RBSN: variants seen among roughly 807,000 people sequenced by gnomAD.
RBSN encodes the protein rabenosyn-5.
In RBSN, 34 loss-of-function variants were observed where a neutral mutation model predicts 60.5. The ratio of observed to expected loss-of-function variants is 0.56; its 90% CI spans 0.43 to 0.75. The LOEUF is 0.75. Among genes scored for constraint, RBSN ranks in the 30% least tolerant of loss-of-function variants. The probability of loss-of-function intolerance (pLI) is 0.00; values close to 1 mark genes in which losing one functional copy is unlikely to be tolerated. For synonymous variants in RBSN, 322 were observed against 366.9 expected (o/e 0.88, Z 1.40); for missense variants, 845 against 986.8 (o/e 0.86, Z 1.92).
intron 4 of RBSN, chr3:15,091,351 A>C: frequency 9.3e-7 from 1 of 1,075,424 alleles, no homozygotes; most frequent in Non-Finnish European, 1.1e-6. Context: ...CCAGGATGGG[A>C]TTCAGCTAAA....
In RBSN at chr3:15,074,043, C is replaced by T; in HGVS notation, c.2094G>A (p.Gln698=). Residue 698 remains glutamine, a synonymous_variant, in exon 14 of 14, where the codon CAG becomes CAA. Coordinates refer to ENST00000253699, the MANE Select transcript of RBSN (RefSeq NM_022340.4). The surrounding 1 kb of genome is among the most constrained non-coding windows in gnomAD (Gnocchi z 6.4). ...GAACCAGAGGGCTTGAGAGCCTCTG[C>T]TGGGGATGTTCGTCTTCCTCACTGA... ...NPFSEEDEHP[Q]QRLSSPLVPG... The T allele has an allele frequency of 6.2e-7, 1 of 1,614,064 alleles. No homozygotes were observed. The highest frequency in any genetic ancestry group is 8.5e-7 in the Non-Finnish European group (1 of 1,180,014).
chr3:15,074,331 C>G lies in RBSN; in HGVS notation c.1806G>C (p.Gly602=), dbSNP rs1575082908. ...AGCGCTCCTGGCCAACGGCTGGGGGCCCAGACCACACTCTGGTGGGTTGAG... is the reference window on the plus strand; with the variant it reads ...AGCGCTCCTGGCCAACGGCTGGGGGGCCAGACCACACTCTGGTGGGTTGAG... ...SSTQPTRVWS[G]PPAVGQERLP... is the part of the protein sequence containing the mutation. The change falls in exon 14 of 14, where the codon GGG becomes GGC. Residue 602 remains glycine (G), a synonymous_variant. Coordinates refer to ENST00000253699, the MANE Select transcript of RBSN (RefSeq NM_022340.4). This position sits in a 1 kb window ranked among gnomAD's most constrained non-coding sequence, Gnocchi z 6.4. 3 of 1,614,016 alleles carry G rather than the reference C, an allele frequency of 1.9e-6. No individual in the cohort carries two copies. The highest frequency in any genetic ancestry group is 2.5e-6 in the Non-Finnish European group (3 of 1,180,006).
At chr3:15,083,764 G>A (rs548970060) in intron 8 of RBSN, among the ~76,000 whole-genome samples, 1 of 151,970 alleles carries the variant, frequency 6.6e-6, no homozygotes, top group Non-Finnish European at 1.5e-5. Flanking sequence ...TTTTCTATAT[G>A]GCAGTGAGTT....
At chr3:15,087,696 C>T (rs1414040464) in intron 5 of RBSN, among the ~76,000 whole-genome samples, 3 of 152,174 alleles carry the variant, frequency 2.0e-5, no homozygotes, top group African/African-American at 7.2e-5. Context: ...TCCAGGCTCA[C>T]TGCAATCTCC....
rs2043235138 is a variant in RBSN, at chr3:15,082,642, C to T, written c.599-34G>A. The T allele has an allele frequency of 6.2e-7, 1 of 1,605,936 alleles. No homozygotes were observed. Among genetic ancestry groups the T allele is most frequent in the Admixed American group, 1.7e-5 (1 of 59,320 alleles). On this transcript the variant is annotated intron_variant, in intron 8 of 13. Transcript: ENST00000253699. This position sits in a 1 kb window ranked among gnomAD's most constrained non-coding sequence, Gnocchi z 4.2. Reference sequence around the variant, plus strand: ...ACAACACCAACAGGCAGCAATGACCCCCACAGCATCCAATTACCATACCCA... The same window carrying T: ...ACAACACCAACAGGCAGCAATGACCTCCACAGCATCCAATTACCATACCCA...
At chr3:15,086,931 C>T (rs970360162) in intron 5 of RBSN, among the ~76,000 whole-genome samples, 5 of 152,204 alleles carry the variant, frequency 3.3e-5, no homozygotes, top group South Asian at 2.1e-4. Flanking sequence ...ATATTGTCCT[C>T]AACCCTCCCG....
At chr3:15,089,820 G>A (rs1331334182) in intron 5 of RBSN, among the ~76,000 whole-genome samples, 2 of 151,988 alleles carry the variant, frequency 1.3e-5, no homozygotes, top group Non-Finnish European at 2.9e-5. Context: ...CCGTGGTCTG[G>A]ATCTCCTGAC....
intron 6 of RBSN, among the ~76,000 whole-genome samples, 194 bp from the exon 7 acceptor site, chr3:15,085,239 C>T (rs983793284): frequency 3.9e-5 from 6 of 152,172 alleles, no homozygotes; most frequent in East Asian, 1.9e-4. Flanking sequence ...ACCCACCTCG[C>T]TTCCTATAAC....
rs1379102812 is a variant in RBSN, at chr3:15,073,755, G to A, written c.*27C>T. 6.4e-7 allele frequency: 1 copy of A among 1,573,476 alleles called. No homozygotes were observed. The highest frequency in any genetic ancestry group is 1.7e-5 in the Admixed American group (1 of 57,452). The stretch of plus-strand genomic sequence containing the variant: ...CCACTGGCTCCTGCCAGACCCCTGG[G>A]CCCAAAGGTGCCCTCTCCACTGCTG... On this transcript the variant is annotated 3_prime_UTR_variant, in exon 14 of 14. Coordinates refer to ENST00000253699, the MANE Select transcript of RBSN (RefSeq NM_022340.4).
intron 2 of RBSN, among the ~76,000 whole-genome samples, chr3:15,097,074 G>A (rs1398518674): frequency 6.6e-6 from 1 of 151,970 alleles, no homozygotes; most frequent in African/African-American, 2.4e-5. Context: ...TTCCCAGGCA[G>A]GTCTCTAACT....
At chr3:15,096,817 G>A (rs2043671894) in intron 2 of RBSN, 107 bp from the exon 3 acceptor site, 1 of 152,106 alleles carries the variant, frequency 6.6e-6, no homozygotes, top group Non-Finnish European at 1.5e-5. Flanking sequence ...AAACCTACTA[G>A]TCAAAAAGAA....
rs1179079679 is a variant in RBSN, at chr3:15,073,622, C to A, written c.*160G>T. 1.5e-6 allele frequency: 1 copy of A among 649,420 alleles called. No individual in the cohort carries two copies. The highest frequency in any genetic ancestry group is 2.5e-6 in the Non-Finnish European group (1 of 393,496). The allele number at this position is 649,420 out of a possible 1,614,324, so 40.2% of individuals were successfully genotyped here. On this transcript the variant is annotated 3_prime_UTR_variant, in exon 14 of 14. Transcript: ENST00000253699. ...TTATTATTCAACTGTAGTGGAAATA[C>A]CTCAAAGTGCGCAACACAAAACAGC...
rs1559339025 is a variant in RBSN at position 15,074,589 on chromosome 3, G to A, written c.1548C>T (p.Asp516=). 3 of 1,614,184 alleles carry A rather than the reference G, an allele frequency of 1.9e-6. No individual in the cohort carries two copies. The highest frequency in any genetic ancestry group is 2.5e-6 in the Non-Finnish European group (3 of 1,180,034). ...ELSRRQAEEE[D]LQREQLQMLR... is the part of the protein sequence containing the mutation. ...ACATCTGCAGCTGTTCCCGCTGCAG[G>A]TCCTCCTCCTCAGCCTGCCTCCGGG... Residue 516 remains aspartate (D), a synonymous_variant, in exon 14 of 14, where the codon GAC becomes GAT. Transcript: ENST00000253699. The surrounding 1 kb of genome is among the most constrained non-coding windows in gnomAD (Gnocchi z 6.4).
intron 5 of RBSN, among the ~76,000 whole-genome samples, chr3:15,089,456 CA>C (rs757156425): frequency 3.5e-3 from 109 of 31,440 alleles, no homozygotes; most frequent in African/African-American, 5.7e-3. Flanking sequence ...ACTCCATCTC[CA>C]AAAAAAAAAA....
chr3:15,077,219 G>A lies in RBSN; in HGVS notation c.999-55C>T. 1 of 1,474,818 alleles carries A rather than the reference G, an allele frequency of 6.8e-7. No individual in the cohort carries two copies. Among genetic ancestry groups the A allele is most frequent in the South Asian group, 1.1e-5 (1 of 88,146 alleles). 91.4% of individuals were successfully genotyped at this position (1,474,818 alleles called of 1,614,324 possible). On this transcript the variant is annotated intron_variant, in intron 11 of 13. Transcript: ENST00000253699. This position sits in a 1 kb window ranked among gnomAD's most constrained non-coding sequence, Gnocchi z 4.4. ...GAGCACTGCCAGCTTCAGAAACAAG[G>A]GTGAAAAGTATAACATCTGGAGTTG...
intron 8 of RBSN, among the ~76,000 whole-genome samples, chr3:15,083,083 G>A (rs564601125): frequency 2.0e-5 from 3 of 152,260 alleles, no homozygotes; most frequent in African/African-American, 7.2e-5. Flanking sequence ...CCCCAGAGCT[G>A]CCCTAGGAAC....
At chr3:15,081,945 C>G (rs1476646803) in intron 9 of RBSN, among the ~76,000 whole-genome samples, 2 of 152,212 alleles carry the variant, frequency 1.3e-5, no homozygotes, top group East Asian at 1.9e-4. Context: ...ACTGGTGAAG[C>G]CTGAAAACTT....
intron 2 of RBSN, among the ~76,000 whole-genome samples, chr3:15,097,586 G>C (rs971296077): frequency 2.0e-5 from 3 of 152,142 alleles, no homozygotes; most frequent in Admixed American, 2.0e-4. Context: ...GGCTTAATAA[G>C]TTACATTCTC....
chr3:15,086,631 A>G (rs2043350772), intron 5 of RBSN, among the ~76,000 whole-genome samples: 1 of 152,266 alleles, frequency 6.6e-6, no homozygotes, highest in Admixed American at 6.5e-5. Flanking sequence ...TCTCATGCCA[A>G]TGTTAAATAA....
Sources: gnomAD v4.1 joint callset for allele counts (sites outside exome capture counted in the v4.1 genomes callset) on GRCh38, gnomAD v4.1.1 for gene constraint, Gnocchi (gnomAD v3.1) non-coding constraint, MANE v1.5 for transcripts, NCBI Gene and HGNC (gene_info 2026-07-23, HGNC 2026-07-21) for gene names.